Variants in TENM2 observed in about 807,000 individuals in gnomAD.
TENM2 encodes teneurin-2.
In TENM2, 52 loss-of-function variants were observed where a neutral mutation model predicts 245.2. That is an observed-to-expected ratio of 0.21 (90% CI 0.17 to 0.27). The LOEUF is 0.27. TENM2 is among the 10% of genes least tolerant of loss of function. The pLI is 1.00. For missense variants in TENM2, 3,046 were observed against 3,666.8 expected (o/e 0.83, Z 4.37); for synonymous variants, 1,363 against 1,438.9 (o/e 0.95, Z 1.19).
the TENM2 span, among the ~76,000 whole-genome samples, chr5:166,988,255 T>C: frequency 6.6e-6 from 1 of 152,328 alleles, no homozygotes; most frequent in Non-Finnish European, 1.5e-5. Context: ...CATCAAAATT[T>C]CCTTTCCATC....
chr5:167,384,722 A>G (rs757173430), intron 2 of TENM2, among the ~76,000 whole-genome samples: 16 of 152,252 alleles, frequency 1.1e-4, no homozygotes, highest in Admixed American at 2.6e-4. Context: ...ACGCACACAC[A>G]CACACACGTT....
the TENM2 span, among the ~76,000 whole-genome samples, chr5:167,257,006 T>C: frequency 6.6e-6 from 1 of 152,066 alleles, no homozygotes; most frequent in African/African-American, 2.4e-5. Flanking sequence ...GGAAAAAAGT[T>C]TCAGTAAAGA....
intron 3 of TENM2, among the ~76,000 whole-genome samples, chr5:167,935,484 A>T (rs936401142): frequency 2.6e-5 from 4 of 152,196 alleles, no homozygotes; most frequent in African/African-American, 9.7e-5. Context: ...CTGTGATCTA[A>T]TGAACCGTTA....
the TENM2 span, among the ~76,000 whole-genome samples, chr5:167,153,111 A>G: frequency 2.6e-5 from 4 of 151,744 alleles, no homozygotes; most frequent in Middle Eastern, 3.2e-3. Flanking sequence ...ACACACACAC[A>G]CACACACACA....
the TENM2 span, among the ~76,000 whole-genome samples, chr5:167,212,531 T>C: frequency 1.3e-5 from 2 of 152,194 alleles, no homozygotes; most frequent in African/African-American, 2.4e-5. Flanking sequence ...ACACCGTCCC[T>C]GTAGAGCTTT....
intron 2 of TENM2, among the ~76,000 whole-genome samples, chr5:167,854,849 C>T (rs975122164): frequency 1.3e-5 from 2 of 152,150 alleles, no homozygotes; most frequent in Non-Finnish European, 2.9e-5. Flanking sequence ...CAAAATGCAT[C>T]CAGATTCTGA....
intron 2 of TENM2, among the ~76,000 whole-genome samples, chr5:167,421,442 G>A (rs771723109): frequency 1.3e-4 from 20 of 152,230 alleles, no homozygotes; most frequent in East Asian, 3.9e-4. Flanking sequence ...GACCAGCCTC[G>A]GCATGGGTGT....
At chr5:167,016,257 A>C in the TENM2 span, among the ~76,000 whole-genome samples, 6 of 85,700 alleles carry the variant, frequency 7.0e-5, no homozygotes, top group East Asian at 2.7e-4. Flanking sequence ...CTGTCTCAAA[A>C]AAAAAAACAA....
At chr5:167,297,627 G>A (rs1268761275) in intron 1 of TENM2, 1 of 151,952 alleles carries the variant, frequency 6.6e-6, no homozygotes, top group African/African-American at 2.4e-5. Flanking sequence ...TAAAATAGTG[G>A]GTTTCATGCG....
At chr5:168,168,411 G>A (rs1431133441) in intron 13 of TENM2, among the ~76,000 whole-genome samples, 1 of 152,166 alleles carries the variant, frequency 6.6e-6, no homozygotes, top group Non-Finnish European at 1.5e-5. Flanking sequence ...TGGGCATGGT[G>A]GCTCACGCCC....
chr5:168,048,487 G>T (rs1207655023), intron 6 of TENM2, among the ~76,000 whole-genome samples: 1 of 152,156 alleles, frequency 6.6e-6, no homozygotes, highest in African/African-American at 2.4e-5. Context: ...CCTATTGCAT[G>T]CCAGGCTTAG....
chr5:168,207,023 AGG>A (rs1410647827), intron 19 of TENM2, among the ~76,000 whole-genome samples: 2 of 152,150 alleles, frequency 1.3e-5, no homozygotes, highest in Non-Finnish European at 2.9e-5. Flanking sequence ...GCCCAGTGTC[AGG>A]GCCCCCTCTT....
At chr5:168,010,925 G>C (rs971680316) in intron 5 of TENM2, among the ~76,000 whole-genome samples, 1 of 152,232 alleles carries the variant, frequency 6.6e-6, no homozygotes, top group Non-Finnish European at 1.5e-5. Flanking sequence ...AACTGCTCTT[G>C]CAGTGATCCT....
the TENM2 span, among the ~76,000 whole-genome samples, chr5:167,089,537 A>G: frequency 4.6e-5 from 7 of 152,122 alleles, no homozygotes; most frequent in Admixed American, 4.6e-4. Flanking sequence ...ATGGATTGTA[A>G]TTGTTTTTTA....
intron 2 of TENM2, among the ~76,000 whole-genome samples, chr5:167,736,047 T>C (rs1264139218): frequency 6.6e-6 from 1 of 152,130 alleles, no homozygotes; most frequent in Middle Eastern, 3.2e-3. Context: ...GAGTAATTTA[T>C]AAAGGAAAGA....
the TENM2 span, among the ~76,000 whole-genome samples, chr5:167,129,796 T>C: frequency 4.6e-5 from 7 of 152,264 alleles, no homozygotes; most frequent in Admixed American, 3.3e-4. Context: ...CCCACAAAGA[T>C]TTACAGAATA....
At chr5:167,328,204 G>GTTTTTTTT (rs70976412) in intron 1 of TENM2, among the ~76,000 whole-genome samples, 64 of 91,022 alleles carry the variant, frequency 7.0e-4, no homozygotes, top group African/African-American at 3.0e-3. Context: ...TTCTCATATC[G>GTTTTTTTT]TTTTTTTTTT....
chr5:167,856,424 A>G (rs1425262338), intron 2 of TENM2, among the ~76,000 whole-genome samples: 4 of 152,216 alleles, frequency 2.6e-5, no homozygotes, highest in South Asian at 2.1e-4. Context: ...GGAATGTTGA[A>G]TCATGAAACT....
the TENM2 span, among the ~76,000 whole-genome samples, chr5:167,088,127 C>G: frequency 6.6e-6 from 1 of 152,088 alleles, no homozygotes; most frequent in Non-Finnish European, 1.5e-5. Flanking sequence ...AAGTCATGCT[C>G]AGAGTGGAAC....
Sources: allele counts gnomAD v4.1 joint callset (sites outside exome capture counted in the v4.1 genomes callset), GRCh38; gene constraint gnomAD v4.1.1; transcripts MANE v1.5; gene names NCBI Gene and HGNC (gene_info 2026-07-23, HGNC 2026-07-21).